The following RUNX2 variants were observed in gnomAD, a reference collection of about 807,000 sequenced individuals.
RUNX2 encodes RUNX family transcription factor 2.
A neutral mutation model predicts 51.7 loss-of-function variants in RUNX2; 10 were observed. The ratio of observed to expected loss-of-function variants is 0.19; its 90% CI spans 0.12 to 0.33. RUNX2 has a LOEUF of 0.33. RUNX2 is among the 10% of genes least tolerant of loss of function. The pLI, the probability that RUNX2 is intolerant of heterozygous loss-of-function variation, is 1.00. For synonymous variants in RUNX2, 276 were observed against 273.6 expected (o/e 1.01, Z -0.09); for missense variants, 562 against 691.3 (o/e 0.81, Z 2.10).
chr6:45,439,666 T>G (rs1442817458), intron 5 of RUNX2, among the ~76,000 whole-genome samples: 1 of 151,878 alleles, frequency 6.6e-6, no homozygotes, highest in Admixed American at 6.6e-5. Context: ...TGTGTTTGTG[T>G]GCGTGTGTGT....
intron 2 of RUNX2, among the ~76,000 whole-genome samples, chr6:45,332,202 CTTTTT>C (rs1192419429): frequency 6.6e-6 from 1 of 151,076 alleles, no homozygotes; most frequent in African/African-American, 2.4e-5. Context: ...TGTATCACAA[CTTTTT>C]TTTTCAACAA....
chr6:45,524,044 A>T (rs1801595238), intron 7 of RUNX2, among the ~76,000 whole-genome samples: 1 of 152,218 alleles, frequency 6.6e-6, no homozygotes, highest in African/African-American at 2.4e-5. Flanking sequence ...CTTTAATTTG[A>T]ATTGTTCAAA....
intron 6 of RUNX2, among the ~76,000 whole-genome samples, chr6:45,499,413 A>C (rs1800737613): frequency 6.6e-6 from 1 of 152,194 alleles, no homozygotes; most frequent in South Asian, 2.1e-4. Context: ...TCTGGTGGCC[A>C]CATTATGAGG....
At chr6:45,368,933 T>A (rs2150298121) in intron 2 of RUNX2, among the ~76,000 whole-genome samples, 1 of 152,160 alleles carries the variant, frequency 6.6e-6, no homozygotes, top group African/African-American at 2.4e-5. Flanking sequence ...AAAAAAATAA[T>A]CAGGTTACAT....
At chr6:45,404,259 C>CAAAAAAAAAA (rs34529128) in intron 2 of RUNX2, among the ~76,000 whole-genome samples, 1 of 27,608 alleles carries the variant, frequency 3.6e-5, no homozygotes, top group Non-Finnish European at 6.6e-5. Flanking sequence ...GACTCTGTCT[C>CAAAAAAAAAA]AAAAAAAAAA....
chr6:45,332,539 C>A (rs1403956757), intron 2 of RUNX2, among the ~76,000 whole-genome samples: 3 of 151,856 alleles, frequency 2.0e-5, no homozygotes, highest in South Asian at 2.1e-4. Flanking sequence ...ACTGTTCTAA[C>A]CTTTGTTCTA....
At chr6:45,373,608 G>A (rs1796390663) in intron 2 of RUNX2, among the ~76,000 whole-genome samples, 2 of 152,154 alleles carry the variant, frequency 1.3e-5, no homozygotes, top group Non-Finnish European at 2.9e-5. Flanking sequence ...CTGGAGTGCA[G>A]TGCACGATCT....
intron 2 of RUNX2, among the ~76,000 whole-genome samples, chr6:45,350,501 C>T (rs535310046): frequency 1.3e-5 from 2 of 152,262 alleles, no homozygotes; most frequent in African/African-American, 2.4e-5. Flanking sequence ...TACATTTTGG[C>T]TCAAGCTGCT....
intron 2 of RUNX2, among the ~76,000 whole-genome samples, chr6:45,354,983 G>GT (rs922610137): frequency 1.3e-5 from 2 of 151,750 alleles, no homozygotes; most frequent in Admixed American, 6.6e-5. Context: ...GCACTTTGAG[G>GT]TTTTTTTTGG....
intron 8 of RUNX2, among the ~76,000 whole-genome samples, chr6:45,546,232 G>A (rs527647804): frequency 6.6e-6 from 1 of 152,106 alleles, no homozygotes; most frequent in South Asian, 2.1e-4. Flanking sequence ...GAAGTTATGA[G>A]TTTCTGGTTT....
chr6:45,336,200 T>C (rs944058500), intron 2 of RUNX2, among the ~76,000 whole-genome samples: 6 of 151,420 alleles, frequency 4.0e-5, no homozygotes, highest in Non-Finnish European at 8.9e-5. Flanking sequence ...TTTTAAAAAC[T>C]TTTTACCACT....
chr6:45,445,823 G>A (rs974145656), intron 5 of RUNX2, among the ~76,000 whole-genome samples: 1 of 152,060 alleles, frequency 6.6e-6, no homozygotes, highest in African/African-American at 2.4e-5. Flanking sequence ...AGAAGGATGA[G>A]GGGGGCGGGG....
chr6:45,360,120 A>G (rs1026416325), intron 2 of RUNX2, among the ~76,000 whole-genome samples: 2 of 152,260 alleles, frequency 1.3e-5, no homozygotes, highest in Non-Finnish European at 2.9e-5. Flanking sequence ...TTAGTTTAGC[A>G]TAAGTGCAAC....
chr6:45,346,563 A>ATTT (rs1554355142), intron 2 of RUNX2, among the ~76,000 whole-genome samples: 1 of 112,546 alleles, frequency 8.9e-6, no homozygotes, highest in Non-Finnish European at 1.8e-5. Flanking sequence ...TTCAATAAAC[A>ATTT]TTTCTTTTTT....
At chr6:45,543,286 G>T (rs1388206233) in intron 7 of RUNX2, among the ~76,000 whole-genome samples, 1 of 152,176 alleles carries the variant, frequency 6.6e-6, no homozygotes, top group Non-Finnish European at 1.5e-5. Context: ...GTGATCTAGT[G>T]TTGGCTATAG....
Position 45,545,289 on chromosome 6 carries a change from CTTTTAACAA to C in RUNX2, c.1087+10_1087+18del. 1 of 1,538,960 alleles carries C rather than the reference CTTTTAACAA, an allele frequency of 6.5e-7. No homozygotes were observed. Among genetic ancestry groups the C allele is most frequent in the Non-Finnish European group, 8.8e-7 (1 of 1,138,946 alleles). On this transcript the variant is annotated splice_region_variant and intron_variant, in intron 8 of 8. Coordinates refer to ENST00000647337, the MANE Select transcript of RUNX2 (RefSeq NM_001024630.4). ...AGTAAGAAGAGCCAGGCAGGTGAGA[CTTTTAACAA>C]TTGCTGGGCTGGGCAGGGCTGGGCT... is the stretch of plus-strand genomic sequence containing the variant.
At chr6:45,525,168 C>T (rs1233856659) in intron 7 of RUNX2, among the ~76,000 whole-genome samples, 1 of 152,180 alleles carries the variant, frequency 6.6e-6, no homozygotes, top group East Asian at 1.9e-4. Context: ...GTTTGGCCCT[C>T]AGAGCAGTTA....
At chr6:45,339,863 G>A (rs1171471018) in intron 2 of RUNX2, among the ~76,000 whole-genome samples, 1 of 151,998 alleles carries the variant, frequency 6.6e-6, no homozygotes. Context: ...TACTTTGTTA[G>A]CTTTCATTGT....
At chr6:45,415,233 A>G (rs1305852278) in intron 2 of RUNX2, among the ~76,000 whole-genome samples, 1 of 152,236 alleles carries the variant, frequency 6.6e-6, no homozygotes, top group Non-Finnish European at 1.5e-5. Context: ...ATTATTGACT[A>G]TAACAGAGGA....
Sources: allele counts gnomAD v4.1 joint callset (sites outside exome capture counted in the v4.1 genomes callset), GRCh38; gene constraint gnomAD v4.1.1; transcripts MANE v1.5; gene names NCBI Gene and HGNC (gene_info 2026-07-23, HGNC 2026-07-21).